The following PCDHA2 variants were observed in gnomAD, a reference collection of about 807,000 sequenced individuals.
PCDHA2 encodes the protein protocadherin alpha 2, also known as protocadherin alpha-2.
Under a neutral mutation model 66.0 loss-of-function variants are expected in PCDHA2, and 58 were observed. The observed-to-expected ratio is 0.88, with a 90% CI of 0.71 to 1.09. PCDHA2 has a LOEUF of 1.09. PCDHA2 is among the 50% of genes least tolerant of loss of function. The probability of loss-of-function intolerance (pLI) is 0.00; values close to 1 mark genes in which losing one functional copy is unlikely to be tolerated. For synonymous variants in PCDHA2, 634 were observed against 554.0 expected, an observed-to-expected ratio of 1.14 and a Z score of -2.03; for missense variants, 1,267 against 1,242.3, an observed-to-expected ratio of 1.02 and a Z score of -0.30.
chr5:140,887,632 G>T (rs1554183131), intron 1 of PCDHA2, among the ~76,000 whole-genome samples: 1 of 151,834 alleles, frequency 6.6e-6, no homozygotes, highest in Admixed American at 6.6e-5. Context: ...ATGTTAGTCT[G>T]TTGGGGTTTG....
chr5:140,887,802 T>A (rs2061588161), intron 1 of PCDHA2, among the ~76,000 whole-genome samples: 1 of 152,198 alleles, frequency 6.6e-6, no homozygotes, highest in Non-Finnish European at 1.5e-5. Context: ...TTTATTTTTG[T>A]CCATTTCTTT....
chr5:140,822,892 G>C, intron 1 of PCDHA2: 1 of 1,614,212 alleles, frequency 6.2e-7, no homozygotes, highest in Non-Finnish European at 8.5e-7. Context: ...TCTGATCAGC[G>C]TGTCTGACCG....
chr5:140,869,227 G>A, intron 1 of PCDHA2: 2 of 1,613,788 alleles, frequency 1.2e-6, no homozygotes, highest in African/African-American at 1.3e-5. Context: ...GGCCAAACAC[G>A]GCACCTTCGT....
chr5:140,972,479 C>T (rs782631191), intron 1 of PCDHA2, among the ~76,000 whole-genome samples: 1 of 151,994 alleles, frequency 6.6e-6, no homozygotes, highest in Non-Finnish European at 1.5e-5. Flanking sequence ...CAGCATTTAA[C>T]CCCAGACTCT....
At chr5:140,901,128 A>G (rs1429296842) in intron 1 of PCDHA2, among the ~76,000 whole-genome samples, 3 of 152,114 alleles carry the variant, frequency 2.0e-5, no homozygotes, top group South Asian at 2.1e-4. Flanking sequence ...TTAGATGGGT[A>G]GATTGTAAAT....
chr5:140,963,175 T>C (rs1408160891), intron 1 of PCDHA2, among the ~76,000 whole-genome samples: 1 of 152,046 alleles, frequency 6.6e-6, no homozygotes, highest in East Asian at 1.9e-4. Context: ...ATCTTACAGA[T>C]ATGCTGTAGA....
intron 1 of PCDHA2, among the ~76,000 whole-genome samples, chr5:140,941,768 T>C (rs576405772): frequency 2.6e-5 from 4 of 152,254 alleles, no homozygotes; most frequent in Non-Finnish European, 5.9e-5. Context: ...TTTAAGATAA[T>C]TGTTTTAATG....
chr5:140,882,374 C>G, intron 1 of PCDHA2: 1 of 1,614,186 alleles, frequency 6.2e-7, no homozygotes, highest in Non-Finnish European at 8.5e-7. Context: ...CTACTCCGTC[C>G]CCGAGGAAGC....
At chr5:140,852,752 C>A in intron 1 of PCDHA2, 1 of 983,714 alleles carries the variant, frequency 1.0e-6, no homozygotes, top group Non-Finnish European at 1.2e-6. Context: ...TAAACTTGGA[C>A]CCAGGTATCT....
intron 1 of PCDHA2, among the ~76,000 whole-genome samples, chr5:140,902,203 C>CTTTTTTT (rs148688132): frequency 6.4e-5 from 8 of 124,436 alleles, no homozygotes; most frequent in African/African-American, 9.3e-5. Flanking sequence ...CTCTCTCTTT[C>CTTTTTTT]TTTTTTTTTT....
chr5:140,968,855 A>G (rs2096275634), intron 1 of PCDHA2: 2 of 1,614,198 alleles, frequency 1.2e-6, no homozygotes, highest in Non-Finnish European at 1.7e-6. Flanking sequence ...GCATGTTAAG[A>G]GCCCTCGGAC....
chr5:140,800,993 G>T, intron 1 of PCDHA2: 1 of 1,393,788 alleles, frequency 7.2e-7, no homozygotes, highest in Non-Finnish European at 9.3e-7. Flanking sequence ...ATACTTACAC[G>T]TTTAGCCACA....
chr5:140,822,244 T>C (rs1424372692), intron 1 of PCDHA2: 2 of 1,614,120 alleles, frequency 1.2e-6, no homozygotes, highest in Non-Finnish European at 1.7e-6. Flanking sequence ...AGAGGGCGCG[T>C]CGGATTTGGA....
rs892297422 is a variant in PCDHA2, at chr5:140,851,955, G to T, written c.2388+54603G>T. The T allele has an allele frequency of 3.1e-6, 3 of 975,116 alleles. 1 individual carries two copies. Among genetic ancestry groups the T allele is most frequent in the Non-Finnish European group, 3.7e-6 (3 of 807,888 alleles). The allele number at this position is 975,116 out of a possible 1,614,324, so 60.4% of individuals were successfully genotyped here. A position where few individuals can be genotyped will look rare whatever the true frequency, so the allele number is the denominator to read the frequency against. On this transcript the variant is annotated intron_variant, in intron 1 of 3. Transcript: ENST00000526136. Reference sequence around the variant, plus strand: ...ATTGTAGTATGTGACTTTCAAAATGGTGGTTTTCCACACTCTACCTTTAGT... The same window carrying T: ...ATTGTAGTATGTGACTTTCAAAATGTTGGTTTTCCACACTCTACCTTTAGT...
rs1421469626 is a variant in PCDHA2, at chr5:140,796,034, T to G, written c.1070T>G (p.Leu357Arg). The part of the protein sequence containing the change: ...TPEVSITSLS[L>R]PISENASLGT... ...GAAGTCTCAATAACGTCTCTCTCAC[T>G]TCCCATCTCAGAGAACGCTTCCCTG... The change falls in exon 1 of 4, where the codon CTT (leucine) becomes CGT (arginine). Residue 357 changes from leucine (L) to arginine (R), a missense_variant. Transcript: ENST00000526136. 1.2e-6 allele frequency: 2 copies of G among 1,614,206 alleles called. No individual in the cohort carries two copies. The highest frequency in any genetic ancestry group is 1.7e-6 in the Non-Finnish European group (2 of 1,180,016).
At chr5:140,973,107 G>A (rs2096572271) in intron 1 of PCDHA2, among the ~76,000 whole-genome samples, 1 of 152,192 alleles carries the variant, frequency 6.6e-6, no homozygotes, top group South Asian at 2.1e-4. Flanking sequence ...TTATGAAAGA[G>A]TAGCAGAGAT....
chr5:140,917,332 G>GA, intron 1 of PCDHA2, among the ~76,000 whole-genome samples: 1 of 145,644 alleles, frequency 6.9e-6, no homozygotes, highest in Non-Finnish European at 1.5e-5. Context: ...GGCGGGGGAG[G>GA]GGGGGGATGG....
rs148144382 is a variant in PCDHA2 at position 140,914,978 on chromosome 5, G to C, written c.2389-63971G>C. On this transcript the variant is annotated intron_variant, in intron 1 of 3. Coordinates refer to ENST00000526136, the MANE Select transcript of PCDHA2 (RefSeq NM_018905.3). ...TTTTTTTTTTCTGAGTCAGAGTCTT[G>C]CTCTGCTACCAGGCTGGAGTGCAGT... Among the ~76,000 whole-genome samples the C allele has an allele frequency of 8.9e-3, 1,161 of 130,768 alleles. 6 individuals are homozygous for C. Among genetic ancestry groups the C allele is most frequent in the African/African-American group, 0.022 (758 of 34,950 alleles). 85.8% of individuals were successfully genotyped at this position (130,768 alleles called of 152,430 possible).
chr5:140,857,394 A>G, intron 1 of PCDHA2: 1 of 1,598,398 alleles, frequency 6.3e-7, no homozygotes, highest in Non-Finnish European at 8.6e-7. Flanking sequence ...GACGTGAACG[A>G]CAACGCGCCT....
Sources: gnomAD v4.1 joint callset for allele counts (sites outside exome capture counted in the v4.1 genomes callset) on GRCh38, gnomAD v4.1.1 for gene constraint, MANE v1.5 for transcripts, NCBI Gene and HGNC (gene_info 2026-07-23, HGNC 2026-07-21) for gene names.